DLGAP2: variants seen among roughly 807,000 people sequenced by gnomAD.
DLGAP2 encodes the protein DLG associated protein 2.
In DLGAP2, 26 loss-of-function variants were observed where a neutral mutation model predicts 100.3. That is an observed-to-expected ratio of 0.26 (90% CI 0.19 to 0.36). DLGAP2 has a LOEUF of 0.36. Ranked by LOEUF, DLGAP2 falls within the 10% of genes least tolerant of loss-of-function variation. The probability of loss-of-function intolerance (pLI) is 1.00; values close to 1 mark genes in which losing one functional copy is unlikely to be tolerated. For missense variants in DLGAP2, 1,858 were observed against 1,453.2 expected (o/e 1.28, Z -4.53); for synonymous variants, 886 against 630.1 (o/e 1.41, Z -6.08).
intron 3 of DLGAP2, among the ~76,000 whole-genome samples, chr8:1,315,225 A>G (rs556928000): frequency 1.4e-3 from 218 of 151,164 alleles, no homozygotes; most frequent in Middle Eastern, 3.4e-3. Context: ...GAGCGTGTGC[A>G]AGTACAGTGT....
intron 2 of DLGAP2, among the ~76,000 whole-genome samples, chr8:963,295 A>T (rs1231196968): frequency 3.4e-5 from 5 of 149,086 alleles, no homozygotes; most frequent in Non-Finnish European, 7.3e-5. Flanking sequence ...ACCCTACGTA[A>T]GGCAAGTCAG....
intron 3 of DLGAP2, among the ~76,000 whole-genome samples, chr8:1,444,076 C>G (rs1182380696): frequency 6.6e-6 from 1 of 152,124 alleles, no homozygotes; most frequent in Non-Finnish European, 1.5e-5. Context: ...CATGCTCTCC[C>G]TACACCTCCC....
chr8:1,076,545 C>A (rs1205061533), intron 2 of DLGAP2, among the ~76,000 whole-genome samples: 1 of 152,244 alleles, frequency 6.6e-6, no homozygotes, highest in African/African-American at 2.4e-5. Context: ...TGTGATGCTC[C>A]GGCCAGGGCC....
At chr8:993,847 C>G (rs1378184308) in intron 2 of DLGAP2, among the ~76,000 whole-genome samples, 4 of 120,964 alleles carry the variant, frequency 3.3e-5, no homozygotes, top group African/African-American at 9.6e-5. Flanking sequence ...TGTTGAGGGC[C>G]TTTCTAGGGC....
intron 3 of DLGAP2, among the ~76,000 whole-genome samples, chr8:1,478,661 C>T (rs78319109): frequency 0.011 from 1,721 of 152,180 alleles, 17 homozygotes; most frequent in Non-Finnish European, 0.018. Flanking sequence ...CCATTGACAC[C>T]GGAGATGCCC....
intron 3 of DLGAP2, among the ~76,000 whole-genome samples, chr8:1,294,066 G>A (rs904782810): frequency 2.0e-5 from 3 of 152,080 alleles, no homozygotes; most frequent in African/African-American, 7.2e-5. Context: ...GAATGGACTC[G>A]CCCTCGCTTC....
At chr8:1,692,821 A>G (rs192021621) in intron 13 of DLGAP2, among the ~76,000 whole-genome samples, 4 of 151,672 alleles carry the variant, frequency 2.6e-5, no homozygotes, top group Non-Finnish European at 5.9e-5. Context: ...ACAAGCAAAC[A>G]AAAAGAAAAA....
At chr8:1,605,287 T>C (rs1796759440) in intron 6 of DLGAP2, among the ~76,000 whole-genome samples, 1 of 151,646 alleles carries the variant, frequency 6.6e-6, no homozygotes, top group Admixed American at 6.6e-5. Context: ...CTCAGGGGAG[T>C]GGACCAATTT....
chr8:1,619,693 T>A (rs1797266028), intron 6 of DLGAP2: 1 of 152,222 alleles, frequency 6.6e-6, no homozygotes. Context: ...CATGTAACAT[T>A]CTTACCTTAT....
chr8:1,233,688 C>G (rs1034782562), intron 2 of DLGAP2, among the ~76,000 whole-genome samples: 2 of 152,246 alleles, frequency 1.3e-5, no homozygotes, highest in Non-Finnish European at 2.9e-5. Context: ...ATCTCAGTGC[C>G]TAAGAGTGTG....
Position 837,905 on chromosome 8 carries a change from T to C in DLGAP2, c.19-70007T>C, listed in dbSNP as rs1253460605. ...CTAGTTGTTTTTTGTTTTTTTTTTT[T>C]TCTTTTTTAAGTAGAGAGGGGGTTT... On this transcript the variant is annotated intron_variant, in intron 1 of 14. Coordinates refer to ENST00000637795, the MANE Select transcript of DLGAP2 (RefSeq NM_001346810.2). 3.4e-5 allele frequency among the ~76,000 whole-genome samples: 5 copies of C among 148,516 alleles called. No individual in the cohort carries two copies. The East Asian group carries it at 9.7e-4, about 29-fold the overall frequency.
chr8:841,908 T>C (rs905136090), intron 1 of DLGAP2, among the ~76,000 whole-genome samples: 1 of 152,204 alleles, frequency 6.6e-6, no homozygotes, highest in Non-Finnish European at 1.5e-5. Context: ...CAGGATATAA[T>C]AGAGTTACAG....
intron 2 of DLGAP2, among the ~76,000 whole-genome samples, chr8:1,213,274 G>T (rs541135147): frequency 4.6e-5 from 7 of 152,142 alleles, no homozygotes; most frequent in Non-Finnish European, 1.5e-5. Context: ...GATGTTGATC[G>T]TTTAAGAAAC....
At chr8:1,208,439 T>A (rs1052235101) in intron 2 of DLGAP2, among the ~76,000 whole-genome samples, 2 of 152,192 alleles carry the variant, frequency 1.3e-5, no homozygotes, top group South Asian at 4.1e-4. Context: ...ACTTTATGAT[T>A]AAAACCCTCA....
intron 2 of DLGAP2, among the ~76,000 whole-genome samples, chr8:1,054,564 G>A (rs1046405956): frequency 4.6e-5 from 7 of 152,026 alleles, no homozygotes; most frequent in Admixed American, 2.6e-4. Context: ...TTTCTATGGC[G>A]TTCATTATTA....
At chr8:1,552,660 G>A (rs1050794943) in intron 5 of DLGAP2, among the ~76,000 whole-genome samples, 3 of 152,220 alleles carry the variant, frequency 2.0e-5, no homozygotes, top group African/African-American at 7.2e-5. Context: ...GAATTTGTCT[G>A]TGGGTCCTAG....
intron 1 of DLGAP2, among the ~76,000 whole-genome samples, chr8:830,940 G>T (rs1237318110): frequency 1.4e-5 from 2 of 146,642 alleles, no homozygotes; most frequent in Non-Finnish European, 3.0e-5. Context: ...CTGTCACCCA[G>T]GCTGGAGGGC....
chr8:1,304,013 A>C (rs1014984617), intron 3 of DLGAP2, among the ~76,000 whole-genome samples: 1 of 152,236 alleles, frequency 6.6e-6, no homozygotes, highest in African/African-American at 2.4e-5. Context: ...AAGGCTGCTT[A>C]GCCACTCAGC....
chr8:1,570,965 G>C lies in DLGAP2; in HGVS notation c.1442+5071G>C, dbSNP rs146913260. 7.6e-3 allele frequency among the ~76,000 whole-genome samples: 1,088 copies of C among 143,004 alleles called. 29 individuals carry two copies. Among genetic ancestry groups the C allele is most frequent in the African/African-American group, 0.027 (1,023 of 37,888 alleles). The allele number at this position is 143,004 out of a possible 152,430, so 93.8% of individuals were successfully genotyped here. A position where few individuals can be genotyped will look rare whatever the true frequency, so the allele number is the denominator to read the frequency against. Reference sequence around the variant, plus strand: ...TGTCTGATGAGATGGAGAGGAGAGAGGGGTGAACTGTGGGGCGTCTGATGA... The same window carrying C: ...TGTCTGATGAGATGGAGAGGAGAGACGGGTGAACTGTGGGGCGTCTGATGA... On this transcript the variant is annotated intron_variant, in intron 6 of 14. Coordinates refer to ENST00000637795, the MANE Select transcript of DLGAP2 (RefSeq NM_001346810.2).
Sources: gnomAD v4.1 joint callset for allele counts (sites outside exome capture counted in the v4.1 genomes callset) on GRCh38, gnomAD v4.1.1 for gene constraint, MANE v1.5 for transcripts, NCBI Gene and HGNC (gene_info 2026-07-23, HGNC 2026-07-21) for gene names.